COMMD1: variants seen among roughly 807,000 people sequenced by gnomAD.
COMMD1 encodes the protein COMM domain-containing protein 1.
In COMMD1, 10 loss-of-function variants were observed where a neutral mutation model predicts 17.2. That is an observed-to-expected ratio of 0.58 (90% confidence interval 0.36 to 0.99). COMMD1 has a LOEUF of 0.99. COMMD1 is among the 50% of genes least tolerant of loss of function. The pLI is 0.01. For missense variants in COMMD1, 270 were observed against 231.8 expected, an observed-to-expected ratio of 1.17 and a Z score of -1.07; for synonymous variants, 97 against 91.6, an observed-to-expected ratio of 1.06 and a Z score of -0.34.
chr2:62,056,680 C>G (rs532848437), intron 2 of COMMD1, among the ~76,000 whole-genome samples: 21 of 152,324 alleles, frequency 1.4e-4, no homozygotes, highest in African/African-American at 4.8e-4. Context: ...TTTCTCCCAG[C>G]TGGTGCATGA....
At position 62,092,521 on chromosome 2, in the gene COMMD1, C is replaced by A. The variant is rs137912730; in HGVS notation, c.463-43310C>A. ...GAAATGTGAATCCAAGAAGTGACTCCCTTTAACTTTGCAGTACGAGAGTTG... is the reference window on the plus strand; with the variant it reads ...GAAATGTGAATCCAAGAAGTGACTCACTTTAACTTTGCAGTACGAGAGTTG... On this transcript the variant is annotated intron_variant, in intron 2 of 2. Transcript: ENST00000311832. 1.6e-3 allele frequency among the ~76,000 whole-genome samples: 240 copies of A among 152,170 alleles called. 1 individual carries two copies. Among genetic ancestry groups the A allele is most frequent in the African/African-American group, 5.5e-3 (230 of 41,540 alleles).
chr2:61,902,163 T>C (rs1669670179), upstream of COMMD1, among the ~76,000 whole-genome samples: 1 of 151,506 alleles, frequency 6.6e-6, no homozygotes, highest in Admixed American at 6.6e-5. Flanking sequence ...GAGAAAATAT[T>C]TGCATGTAGG....
chr2:62,057,961 G>A (rs1003979212), intron 2 of COMMD1, among the ~76,000 whole-genome samples: 1 of 151,990 alleles, frequency 6.6e-6, no homozygotes, highest in Non-Finnish European at 1.5e-5. Context: ...CCCTGCATGT[G>A]GCATTTGAGC....
chr2:61,934,387 A>G (rs1419763580), intron 1 of COMMD1, among the ~76,000 whole-genome samples: 2 of 152,136 alleles, frequency 1.3e-5, no homozygotes, highest in Non-Finnish European at 2.9e-5. Context: ...ATCAAAATGA[A>G]GGAAGAAACT....
intron 1 of COMMD1, chr2:61,928,684 G>A (rs548051645): frequency 1.3e-5 from 2 of 152,276 alleles, no homozygotes; most frequent in Admixed American, 1.3e-4. Context: ...AACTGGTTGT[G>A]ATAAGCTATA....
intron 2 of COMMD1, among the ~76,000 whole-genome samples, chr2:62,006,418 A>T (rs1340204106): frequency 6.6e-6 from 1 of 152,150 alleles, no homozygotes; most frequent in Non-Finnish European, 1.5e-5. Context: ...CACAGTATAT[A>T]TTGCGATATC....
intron 2 of COMMD1, among the ~76,000 whole-genome samples, chr2:62,094,171 A>AG (rs1179250725): frequency 6.6e-6 from 1 of 152,140 alleles, no homozygotes; most frequent in Non-Finnish European, 1.5e-5. Context: ...TTCACCTGGA[A>AG]GGGGGAGCCG....
chr2:62,130,384 C>CCTGAA (rs1207198469), intron 2 of COMMD1, among the ~76,000 whole-genome samples: 1 of 151,698 alleles, frequency 6.6e-6, no homozygotes, highest in Non-Finnish European at 1.5e-5. Context: ...AAGTGATTCT[C>CCTGAA]CTGCGTCAGC....
intron 2 of COMMD1, among the ~76,000 whole-genome samples, chr2:62,121,793 G>A (rs1428275254): frequency 2.7e-5 from 4 of 150,804 alleles, no homozygotes; most frequent in Non-Finnish European, 4.4e-5. Context: ...TTAGCCATTT[G>A]TTTATTTATT....
At chr2:62,126,183 T>G (rs1447265726) in intron 2 of COMMD1, among the ~76,000 whole-genome samples, 1 of 152,230 alleles carries the variant, frequency 6.6e-6, no homozygotes. Context: ...GATGGGCATT[T>G]GGGTTGATTC....
intron 2 of COMMD1, among the ~76,000 whole-genome samples, chr2:62,006,508 G>A (rs151275569): frequency 1.3e-4 from 20 of 152,080 alleles, no homozygotes; most frequent in African/African-American, 4.1e-4. Context: ...AAATGAGTAG[G>A]AACTACTGAC....
At chr2:61,901,858 G>A (rs193134981), upstream of COMMD1, among the ~76,000 whole-genome samples, 162 of 151,968 alleles carry the variant, frequency 1.1e-3, no homozygotes, top group African/African-American at 3.6e-3. Context: ...TTATTGAGAC[G>A]GAATCTTGCT....
chr2:61,955,787 G>A (rs1057464121), intron 1 of COMMD1, among the ~76,000 whole-genome samples: 32 of 152,136 alleles, frequency 2.1e-4, no homozygotes, highest in African/African-American at 7.7e-4. Context: ...CTGGGTTCAA[G>A]TGATTCTCCT....
At chr2:61,942,323 C>T (rs1224710674) in intron 1 of COMMD1, among the ~76,000 whole-genome samples, 3 of 151,980 alleles carry the variant, frequency 2.0e-5, no homozygotes, top group South Asian at 2.1e-4. Flanking sequence ...AGGCTGGTCT[C>T]GAACTCCTGA....
At position 62,068,574 on chromosome 2, in the gene COMMD1, A is replaced by G. The variant is rs968005005; in HGVS notation, c.463-67257A>G. 2.0e-5 allele frequency among the ~76,000 whole-genome samples: 3 copies of G among 151,668 alleles called. No homozygotes were observed. The East Asian group carries it at 5.8e-4, about 29-fold the overall frequency. On this transcript the variant is annotated intron_variant, in intron 2 of 2. Transcript: ENST00000311832. ...TCTAAGGATAAGATTGGAGAATGCA[A>G]TTGGGAAGGAAGGTGCAGGGGCTTC...
At chr2:61,903,777 G>A (rs973446654), upstream of COMMD1, among the ~76,000 whole-genome samples, 1 of 151,702 alleles carries the variant, frequency 6.6e-6, no homozygotes, top group South Asian at 2.1e-4. Context: ...CCTGACCTCA[G>A]GTGATCCACC....
At chr2:62,104,049 C>T (rs545801130) in intron 2 of COMMD1, among the ~76,000 whole-genome samples, 22 of 152,184 alleles carry the variant, frequency 1.4e-4, no homozygotes, top group African/African-American at 5.1e-4. Context: ...CTTTGTTGCC[C>T]AGGCTGGTCT....
upstream of COMMD1, among the ~76,000 whole-genome samples, chr2:61,904,042 T>C (rs1230343523): frequency 6.6e-6 from 1 of 152,144 alleles, no homozygotes; most frequent in Non-Finnish European, 1.5e-5. Flanking sequence ...GGAGTCTCCC[T>C]CTTTCACCCA....
intron 1 of COMMD1, among the ~76,000 whole-genome samples, chr2:61,908,861 C>T (rs1376107463): frequency 6.6e-6 from 1 of 152,130 alleles, no homozygotes; most frequent in African/African-American, 2.4e-5. Context: ...GCCACTGAGC[C>T]CTGCCAAATT....
Sources: allele counts gnomAD v4.1 joint callset (sites outside exome capture counted in the v4.1 genomes callset), GRCh38; gene constraint gnomAD v4.1.1; transcripts MANE v1.5; gene names NCBI Gene and HGNC (gene_info 2026-07-23, HGNC 2026-07-21).